Variants in CBLB observed in about 807,000 individuals in gnomAD.
CBLB encodes Cbl proto-oncogene B.
CBLB carries 31 observed loss-of-function variants against 104.9 expected under a neutral mutation model. That is an observed-to-expected ratio of 0.30 (90% CI 0.22 to 0.40). The LOEUF (loss-of-function observed/expected upper bound fraction) is 0.40, where lower values mean the gene tolerates loss of function less well. CBLB is among the 10% of genes least tolerant of loss of function. The pLI, the probability that CBLB is intolerant of heterozygous loss-of-function variation, is 1.00. For missense variants in CBLB, 1,062 were observed against 1,214.6 expected (o/e 0.87, Z 1.87); for synonymous variants, 440 against 422.6 (o/e 1.04, Z -0.51).
At chr3:105,804,618 G>T (rs1410326183) in intron 3 of CBLB, among the ~76,000 whole-genome samples, 1 of 151,160 alleles carries the variant, frequency 6.6e-6, no homozygotes, top group Non-Finnish European at 1.5e-5. Flanking sequence ...AAAATAGATT[G>T]TTAAAATTCA....
At chr3:105,683,580 A>C (rs2066595649) in intron 14 of CBLB, among the ~76,000 whole-genome samples, 1 of 152,212 alleles carries the variant, frequency 6.6e-6, no homozygotes, top group African/African-American at 2.4e-5. Context: ...AGACTCCCAA[A>C]GAGACCAAAA....
chr3:105,689,713 T>A (rs1292591162), intron 13 of CBLB, among the ~76,000 whole-genome samples: 1 of 151,686 alleles, frequency 6.6e-6, no homozygotes, highest in Non-Finnish European at 1.5e-5. Flanking sequence ...TATAATTTAG[T>A]AAATAAATAA....
At chr3:105,843,268 T>C (rs1449387396) in intron 3 of CBLB, among the ~76,000 whole-genome samples, 1 of 152,200 alleles carries the variant, frequency 6.6e-6, no homozygotes, top group Non-Finnish European at 1.5e-5. Context: ...TTCCTAAAAT[T>C]TGAATTGAAA....
At chr3:105,762,611 G>A (rs1359481927) in intron 4 of CBLB, among the ~76,000 whole-genome samples, 1 of 152,248 alleles carries the variant, frequency 6.6e-6, no homozygotes. Flanking sequence ...TTAAGGTATA[G>A]GAATCTCTGC....
At chr3:105,849,532 A>T (rs1443100) in intron 3 of CBLB, among the ~76,000 whole-genome samples, 138,699 of 152,124 alleles carry the variant, frequency 0.91, 63,527 homozygotes, top group Non-Finnish European at 0.96. Context: ...ACATTATCAA[A>T]CAAAACTTAA....
intron 4 of CBLB, among the ~76,000 whole-genome samples, chr3:105,768,574 G>A (rs1367802900): frequency 6.6e-6 from 1 of 152,214 alleles, no homozygotes; most frequent in Non-Finnish European, 1.5e-5. Flanking sequence ...TATTGAAAAT[G>A]AGGCTAGCAT....
chr3:105,728,265 T>C (rs1349498910), intron 9 of CBLB, among the ~76,000 whole-genome samples: 2 of 152,054 alleles, frequency 1.3e-5, no homozygotes, highest in African/African-American at 4.8e-5. Flanking sequence ...TTCAGCAAAG[T>C]CTCAGGATAT....
At chr3:105,869,365 G>C (rs1008685759), upstream of CBLB, 11 of 1,341,992 alleles carry the variant, frequency 8.2e-6, no homozygotes, top group African/African-American at 4.5e-5. Context: ...GGGCGTGAGC[G>C]TCGGGACCGG....
At chr3:105,802,826 T>C (rs1379974554) in intron 3 of CBLB, among the ~76,000 whole-genome samples, 1 of 152,144 alleles carries the variant, frequency 6.6e-6, no homozygotes, top group African/African-American at 2.4e-5. Flanking sequence ...ATGGAAAAAA[T>C]TGTAATGAAG....
intron 3 of CBLB, among the ~76,000 whole-genome samples, chr3:105,795,406 CTTAG>C (rs1223438384): frequency 1.1e-4 from 17 of 152,076 alleles, no homozygotes; most frequent in Non-Finnish European, 1.3e-4. Context: ...GAAACAGATA[CTTAG>C]TTAGATATGT....
At chr3:105,675,884 C>CAAAA (rs71111383) in intron 17 of CBLB, among the ~76,000 whole-genome samples, 139 of 80,412 alleles carry the variant, frequency 1.7e-3, no homozygotes, top group South Asian at 1.9e-3. Context: ...GACCCTGTCT[C>CAAAA]AAAAAAAAAA....
At chr3:105,793,981 C>G (rs1023204153) in intron 3 of CBLB, among the ~76,000 whole-genome samples, 6 of 152,072 alleles carry the variant, frequency 3.9e-5, no homozygotes, top group African/African-American at 1.2e-4. Flanking sequence ...CTGAAAATAA[C>G]TTGCAAATAG....
At chr3:105,867,170 T>C (rs2092472465) in intron 2 of CBLB, among the ~76,000 whole-genome samples, 1 of 152,196 alleles carries the variant, frequency 6.6e-6, no homozygotes, top group Non-Finnish European at 1.5e-5. Context: ...AAACTTTACA[T>C]ACTGAGTCAT....
chr3:105,755,735 A>G (rs1399227204), intron 4 of CBLB, among the ~76,000 whole-genome samples: 1 of 152,234 alleles, frequency 6.6e-6, no homozygotes, highest in African/African-American at 2.4e-5. Flanking sequence ...AAGCCTATAC[A>G]TTATGACTAA....
chr3:105,838,351 C>A (rs902209842), intron 3 of CBLB, among the ~76,000 whole-genome samples: 2 of 135,136 alleles, frequency 1.5e-5, no homozygotes, highest in African/African-American at 5.6e-5. Context: ...GACAATATAT[C>A]ATTAACTGCC....
At chr3:105,857,150 C>A (rs1008926205) in intron 2 of CBLB, among the ~76,000 whole-genome samples, 1 of 152,158 alleles carries the variant, frequency 6.6e-6, no homozygotes, top group Non-Finnish European at 1.5e-5. Context: ...TACAAAATTT[C>A]TGTCAGGTAT....
chr3:105,714,592 T>A (rs994139173), intron 10 of CBLB, among the ~76,000 whole-genome samples: 4 of 152,266 alleles, frequency 2.6e-5, no homozygotes, highest in Admixed American at 1.3e-4. Flanking sequence ...ACTGCTGATG[T>A]GAGAGGAGGC....
chr3:105,745,861 T>C (rs1427715692), intron 6 of CBLB, 56 bp downstream of exon 6: 6 of 1,533,360 alleles, frequency 3.9e-6, no homozygotes, highest in Middle Eastern at 1.7e-4. Context: ...GAACAAACCA[T>C]GGAGAATTTT....
intron 2 of CBLB, among the ~76,000 whole-genome samples, chr3:105,857,766 T>C (rs2091752183): frequency 6.6e-6 from 1 of 152,290 alleles, no homozygotes; most frequent in African/African-American, 2.4e-5. Flanking sequence ...TTTCAGGCTC[T>C]AGGGAACACA....
Sources: allele counts gnomAD v4.1 joint callset (sites outside exome capture counted in the v4.1 genomes callset), GRCh38; gene constraint gnomAD v4.1.1; transcripts MANE v1.5; gene names NCBI Gene and HGNC (gene_info 2026-07-23, HGNC 2026-07-21).